Variants in GALNT17 observed in about 807,000 individuals in gnomAD.
The protein encoded by GALNT17 is UDP-GalNAc:polypeptide N-acetylgalactosaminyltransferase-like 3.
A neutral mutation model predicts 63.7 loss-of-function variants in GALNT17; 29 were observed. That is an observed-to-expected ratio of 0.46 (90% CI 0.34 to 0.62). The LOEUF (loss-of-function observed/expected upper bound fraction) is 0.62, where lower values mean the gene tolerates loss of function less well. GALNT17 is among the 20% of genes least tolerant of loss of function. The pLI is 0.01. For synonymous variants in GALNT17, 305 were observed against 318.3 expected, an observed-to-expected ratio of 0.96 and a Z score of 0.45; for missense variants, 603 against 799.6, an observed-to-expected ratio of 0.75 and a Z score of 2.97.
chr7:71,192,770 G>T (rs1788975773), intron 1 of GALNT17, among the ~76,000 whole-genome samples: 1 of 152,150 alleles, frequency 6.6e-6, no homozygotes, highest in Non-Finnish European at 1.5e-5. Context: ...TGCAACATAT[G>T]AGAGTTCCGG....
intron 5 of GALNT17, among the ~76,000 whole-genome samples, chr7:71,502,414 T>C (rs1171244041): frequency 6.6e-6 from 1 of 152,190 alleles, no homozygotes; most frequent in African/African-American, 2.4e-5. Context: ...CCTGACCTTC[T>C]GGGTTTAGGT....
At chr7:71,268,519 C>G (rs1790530882) in intron 1 of GALNT17, among the ~76,000 whole-genome samples, 1 of 150,820 alleles carries the variant, frequency 6.6e-6, no homozygotes, top group Non-Finnish European at 1.5e-5. Context: ...CCACTGCACT[C>G]CAGCCTGGGC....
chr7:71,170,948 G>A (rs1788536915), intron 1 of GALNT17, among the ~76,000 whole-genome samples: 1 of 151,940 alleles, frequency 6.6e-6, no homozygotes. Flanking sequence ...TTATTGCTAG[G>A]TAGGTCAGAG....
At chr7:71,540,971 G>T (rs566876188) in intron 5 of GALNT17, among the ~76,000 whole-genome samples, 1 of 152,180 alleles carries the variant, frequency 6.6e-6, no homozygotes, top group East Asian at 1.9e-4. Context: ...GGGCGCGGTG[G>T]CTCATGCCTG....
At chr7:71,259,648 T>TTG (rs1412081411) in intron 1 of GALNT17, among the ~76,000 whole-genome samples, 6 of 145,518 alleles carry the variant, frequency 4.1e-5, no homozygotes, top group African/African-American at 1.6e-4. Context: ...GTTTTTTTGT[T>TTG]TTTTTTTTTT....
chr7:71,585,730 C>T (rs2116907569), intron 6 of GALNT17, among the ~76,000 whole-genome samples: 1 of 152,058 alleles, frequency 6.6e-6, no homozygotes, highest in South Asian at 2.1e-4. Flanking sequence ...TTAATACAGT[C>T]CAATGTACAG....
chr7:71,241,843 C>A (rs1199694974), intron 1 of GALNT17, among the ~76,000 whole-genome samples: 1 of 152,132 alleles, frequency 6.6e-6, no homozygotes, highest in Non-Finnish European at 1.5e-5. Context: ...GAGCCATGAT[C>A]ACGCCCCTGC....
At chr7:71,226,395 A>G (rs948292500) in intron 1 of GALNT17, among the ~76,000 whole-genome samples, 1 of 152,180 alleles carries the variant, frequency 6.6e-6, no homozygotes, top group Admixed American at 6.5e-5. Context: ...ATCAAAAGCC[A>G]TGGGCCTGGA....
chr7:71,681,704 C>CA (rs1188649150), intron 9 of GALNT17, among the ~76,000 whole-genome samples: 1 of 152,206 alleles, frequency 6.6e-6, no homozygotes, highest in African/African-American at 2.4e-5. Context: ...GAATAAGTCA[C>CA]ATTTGAATGG....
At chr7:71,529,304 TGGG>T (rs60199686) in intron 5 of GALNT17, among the ~76,000 whole-genome samples, 6 of 151,752 alleles carry the variant, frequency 4.0e-5, no homozygotes, top group Non-Finnish European at 7.4e-5. Context: ...CTTCAAGGGA[TGGG>T]GGGGCAATTA....
At chr7:71,611,444 T>C (rs1584088845) in intron 6 of GALNT17, among the ~76,000 whole-genome samples, 1 of 152,202 alleles carries the variant, frequency 6.6e-6, no homozygotes, top group South Asian at 2.1e-4. Context: ...CCCTGTGATA[T>C]CACAGAGAAA....
intron 1 of GALNT17, among the ~76,000 whole-genome samples, chr7:71,296,745 G>A (rs1227745432): frequency 6.6e-6 from 1 of 151,472 alleles, no homozygotes; most frequent in African/African-American, 2.4e-5. Flanking sequence ...GTATATGTAT[G>A]TAAATAAAAT....
intron 1 of GALNT17, among the ~76,000 whole-genome samples, chr7:71,265,747 G>A (rs751923141): frequency 3.3e-5 from 5 of 152,182 alleles, no homozygotes; most frequent in African/African-American, 9.7e-5. Context: ...GGGTGGAGGC[G>A]TGGTGGGAGC....
chr7:71,676,981 G>T (rs1288876432), intron 8 of GALNT17, among the ~76,000 whole-genome samples: 12 of 152,260 alleles, frequency 7.9e-5, no homozygotes, highest in South Asian at 2.1e-4. Context: ...GGGTGGGGGG[G>T]CAAGCTGCCC....
chr7:71,393,222 G>GT (rs1338812811), intron 3 of GALNT17, among the ~76,000 whole-genome samples: 19 of 151,502 alleles, frequency 1.3e-4, no homozygotes, highest in South Asian at 4.2e-4. Context: ...AGCATACTCT[G>GT]TTTTTTTTGC....
chr7:71,318,870 T>A (rs1239295693), intron 1 of GALNT17, among the ~76,000 whole-genome samples: 2 of 152,184 alleles, frequency 1.3e-5, no homozygotes, highest in Non-Finnish European at 2.9e-5. Flanking sequence ...AGTACGGAGT[T>A]GCAGAGAGGA....
chr7:71,420,142 G>A (rs556385115), intron 4 of GALNT17, among the ~76,000 whole-genome samples: 3 of 152,156 alleles, frequency 2.0e-5, no homozygotes, highest in African/African-American at 4.8e-5. Context: ...CGCCTGCCTC[G>A]GAGACACACG....
intron 1 of GALNT17, among the ~76,000 whole-genome samples, chr7:71,315,584 T>A (rs1244421653): frequency 1.3e-5 from 2 of 152,220 alleles, no homozygotes; most frequent in Non-Finnish European, 2.9e-5. Context: ...TGGGCTTGTG[T>A]TCATTATTCC....
chr7:71,354,311 C>T (rs1792243216), intron 2 of GALNT17, among the ~76,000 whole-genome samples: 1 of 152,142 alleles, frequency 6.6e-6, no homozygotes, highest in Non-Finnish European at 1.5e-5. Context: ...CTGTCTTTGA[C>T]AGAAGTGCCT....
Sources: allele counts gnomAD v4.1 joint callset (sites outside exome capture counted in the v4.1 genomes callset), GRCh38; gene constraint gnomAD v4.1.1; transcripts MANE v1.5; gene names NCBI Gene and HGNC (gene_info 2026-07-23, HGNC 2026-07-21).